Variants in ZNF558 observed in about 807,000 individuals in gnomAD.
The protein encoded by ZNF558 is zinc finger protein 558.
Under a neutral mutation model 37.6 loss-of-function variants are expected in ZNF558, and 23 were observed. The observed-to-expected ratio is 0.61, with a 90% CI of 0.44 to 0.87. The LOEUF (loss-of-function observed/expected upper bound fraction) is 0.87. Ranked by LOEUF, ZNF558 falls within the 40% of genes least tolerant of loss-of-function variation. The pLI, the probability that ZNF558 is intolerant of heterozygous loss-of-function variation, is 0.00. For synonymous variants in ZNF558, 189 were observed against 174.4 expected (o/e 1.08, Z -0.66); for missense variants, 429 against 483.7 (o/e 0.89, Z 1.06).
At position 8,811,876 on chromosome 19, in the gene ZNF558, TC is replaced by T; in HGVS notation, c.613del (p.Glu205ArgfsTer23). Reference protein sequence around the residue: ...LTIHKRIHNGEKPYECNHCGK... With the variant: ...LTIHKRIHNGXKPYECNHCGK... ...ACAGTGATTGCATTCATAGGGTTTC[TC>T]CCCATTATGGATTCTCTTATGAATA... On this transcript the variant is annotated frameshift_variant, in exon 10 of 10. Transcript: ENST00000601372. LOFTEE classifies it high-confidence loss of function. 2 of 1,614,142 alleles carry T rather than the reference TC, an allele frequency of 1.2e-6. No homozygotes were observed. The highest frequency in any genetic ancestry group is 1.7e-6 in the Non-Finnish European group (2 of 1,180,010).
chr19:8,837,713 T>G, the ZNF558 span, among the ~76,000 whole-genome samples: 3 of 152,190 alleles, frequency 2.0e-5, no homozygotes, highest in East Asian at 5.8e-4. Context: ...CTGAGGATAC[T>G]TTATACTCTG....
At chr19:8,827,368 CCT>C (rs755098135) in intron 2 of ZNF558, among the ~76,000 whole-genome samples, 20 of 151,960 alleles carry the variant, frequency 1.3e-4, no homozygotes, top group South Asian at 4.2e-4. Flanking sequence ...CCAAACACCC[CCT>C]CTTTTGCCTC....
the ZNF558 span, among the ~76,000 whole-genome samples, chr19:8,837,758 T>A: frequency 1.3e-5 from 2 of 151,970 alleles, no homozygotes; most frequent in Admixed American, 1.3e-4. Context: ...TCTGCTAGAG[T>A]AAAAACAACT....
chr19:8,821,342 C>T (rs761335252), intron 6 of ZNF558, 36 bp from the exon 7 acceptor site: 1 of 1,614,134 alleles, frequency 6.2e-7, no homozygotes, highest in Non-Finnish European at 8.5e-7. Flanking sequence ...TAGCCAAGGA[C>T]CACCCCCACC....
Position 8,821,275 on chromosome 19 carries a change from T to A in ZNF558, c.152A>T (p.Glu51Val). The change falls in exon 7 of 10, where the codon GAG becomes GTG. Residue 51 changes from glutamate (E) to valine (V), a missense_variant. Transcript: ENST00000601372. The stretch of plus-strand genomic sequence containing the variant: ...CAACGCCCACTCCTCCTGGGTGAAC[T>A]CCACGGCCACATCCTCGAAGGTTAC... The part of the protein sequence containing the change: ...GLVTFEDVAV[E>V]FTQEEWALLD... 1 of 1,614,168 alleles carries A rather than the reference T, an allele frequency of 6.2e-7. No homozygotes were observed. The highest frequency in any genetic ancestry group is 1.1e-5 in the South Asian group (1 of 91,074).
intron 7 of ZNF558, among the ~76,000 whole-genome samples, chr19:8,820,873 A>G (rs2044069082): frequency 6.6e-6 from 1 of 152,190 alleles, no homozygotes; most frequent in Non-Finnish European, 1.5e-5. Context: ...CTGGATAGGT[A>G]AATTCCTAAA....
At chr19:8,827,163 A>ACCTGC (rs2044250662) in intron 2 of ZNF558, among the ~76,000 whole-genome samples, 2 of 147,210 alleles carry the variant, frequency 1.4e-5, no homozygotes, top group East Asian at 1.9e-4. Flanking sequence ...ATCCTGTGAC[A>ACCTGC]CCTGCCCTGC....
At chr19:8,834,799 T>C (rs1381944996), upstream of ZNF558, among the ~76,000 whole-genome samples, 1 of 152,116 alleles carries the variant, frequency 6.6e-6, no homozygotes, top group Non-Finnish European at 1.5e-5. Context: ...TGTCAAACTT[T>C]GTGATCTTGG....
intron 7 of ZNF558, among the ~76,000 whole-genome samples, chr19:8,817,391 T>C (rs1266541228): frequency 2.6e-5 from 4 of 152,194 alleles, no homozygotes; most frequent in Non-Finnish European, 5.9e-5. Flanking sequence ...AATTTATAAT[T>C]GTTGAGATAT....
rs951073104 is a variant in ZNF558 at position 8,821,247 on chromosome 19, C to T, written c.180G>A (p.Leu60=). 7 of 1,614,204 alleles carry T rather than the reference C, an allele frequency of 4.3e-6. No individual in the cohort carries two copies. Among genetic ancestry groups the T allele is most frequent in the Non-Finnish European group, 5.9e-6 (7 of 1,180,036 alleles). The part of the protein sequence containing the change: ...VEFTQEEWAL[L]DPAQRTLYRD... ...TGTACAGTGTCCTTTGGGCAGGGTC[C>T]AGCAACGCCCACTCCTCCTGGGTGA... Residue 60 remains leucine (L), a synonymous_variant, in exon 7 of 10, where the codon CTG becomes CTA. Transcript: ENST00000601372.
intron 2 of ZNF558, among the ~76,000 whole-genome samples, chr19:8,827,571 CTTT>C (rs386388513): frequency 8.5e-5 from 8 of 94,080 alleles, no homozygotes; most frequent in South Asian, 4.1e-4. Context: ...TTTCCCTATT[CTTT>C]TTTTTTTTTT....
intron 8 of ZNF558, among the ~76,000 whole-genome samples, 182 bp downstream of exon 8, chr19:8,812,945 G>A (rs1405463487): frequency 1.3e-5 from 2 of 152,170 alleles, no homozygotes; most frequent in African/African-American, 4.8e-5. Context: ...ATGATGACAA[G>A]GGAGTTAGAG....
intron 2 of ZNF558, among the ~76,000 whole-genome samples, chr19:8,826,265 G>A (rs756936581): frequency 6.6e-6 from 1 of 151,962 alleles, no homozygotes; most frequent in Non-Finnish European, 1.5e-5. Flanking sequence ...GGCTGGGCAG[G>A]GAATGGTTTC....
intron 7 of ZNF558, among the ~76,000 whole-genome samples, chr19:8,816,328 G>A (rs2043938973): frequency 6.6e-6 from 1 of 152,174 alleles, no homozygotes; most frequent in African/African-American, 2.4e-5. Flanking sequence ...CTCCCAAAGT[G>A]TTGGGATTAT....
chr19:8,835,887 C>T (rs180842947), upstream of ZNF558, among the ~76,000 whole-genome samples: 338 of 152,050 alleles, frequency 2.2e-3, 1 homozygote, highest in South Asian at 8.1e-3. Context: ...GAAAACATTA[C>T]GGTAAGTAAA....
At chr19:8,828,167 C>T (rs967156984) in intron 2 of ZNF558, among the ~76,000 whole-genome samples, 4 of 152,154 alleles carry the variant, frequency 2.6e-5, no homozygotes, top group Non-Finnish European at 5.9e-5. Flanking sequence ...CAGCTAGCCC[C>T]AAAAGTAAAT....
At chr19:8,834,960 G>T (rs1031581481), upstream of ZNF558, among the ~76,000 whole-genome samples, 5 of 151,658 alleles carry the variant, frequency 3.3e-5, no homozygotes, top group African/African-American at 1.2e-4. Flanking sequence ...ATTTACAAAT[G>T]ATTTATCTGA....
intron 7 of ZNF558, among the ~76,000 whole-genome samples, chr19:8,818,003 C>T (rs947082328): frequency 6.6e-6 from 1 of 152,124 alleles, no homozygotes; most frequent in African/African-American, 2.4e-5. Context: ...ATATAAAGAA[C>T]ACACCACCCA....
chr19:8,817,640 A>G (rs2043972356), intron 7 of ZNF558, among the ~76,000 whole-genome samples: 1 of 152,236 alleles, frequency 6.6e-6, no homozygotes, highest in African/African-American at 2.4e-5. Flanking sequence ...ATGTGTACAT[A>G]CTGTCTATAA....
Sources: gnomAD v4.1 joint callset for allele counts (sites outside exome capture counted in the v4.1 genomes callset) on GRCh38, gnomAD v4.1.1 for gene constraint, MANE v1.5 for transcripts, NCBI Gene and HGNC (gene_info 2026-07-23, HGNC 2026-07-21) for gene names.